Variants in STAB1 observed in about 807,000 individuals in gnomAD.
STAB1 encodes the protein stabilin-1.
STAB1 carries 250 observed loss-of-function variants against 332.4 expected under a neutral mutation model. The ratio of observed to expected loss-of-function variants is 0.75; its 90% CI spans 0.68 to 0.84. The LOEUF (loss-of-function observed/expected upper bound fraction) is 0.84. Ranked by LOEUF, STAB1 falls within the 40% of genes least tolerant of loss-of-function variation. STAB1 has a pLI of 0.00. For missense variants in STAB1, 3,249 were observed against 3,489.7 expected, an observed-to-expected ratio of 0.93 and a Z score of 1.74; for synonymous variants, 1,475 against 1,390.4, an observed-to-expected ratio of 1.06 and a Z score of -1.35.
chr3:52,524,421 G>A lies in STAB1; in HGVS notation c.*65G>A. 1.2e-6 allele frequency: 2 copies of A among 1,611,900 alleles called. No individual in the cohort carries two copies. The highest frequency in any genetic ancestry group is 1.7e-6 in the Non-Finnish European group (2 of 1,179,044). On this transcript the variant is annotated 3_prime_UTR_variant, in exon 69 of 69. Coordinates refer to ENST00000321725, the MANE Select transcript of STAB1 (RefSeq NM_015136.3). ...GACCACTTTTATTGCTTGTCTGGGT[G>A]GATGGGGCAGGAGGGGCTGAGGGCC...
rs769284082 is a variant in STAB1, at chr3:52,516,599, C to T, written c.4286+12C>T. 2 of 1,612,834 alleles carry T rather than the reference C, an allele frequency of 1.2e-6. No homozygotes were observed. The highest frequency in any genetic ancestry group is 1.1e-5 in the South Asian group (1 of 91,082). On this transcript the variant is annotated intron_variant, in intron 40 of 68. Coordinates refer to ENST00000321725, the MANE Select transcript of STAB1 (RefSeq NM_015136.3). ...GACCCCAATGCCAAGTGAGTGGGCCCAGCCTGGGGCGGGTGGGTGAGTGGC... is the reference window on the plus strand; with the variant it reads ...GACCCCAATGCCAAGTGAGTGGGCCTAGCCTGGGGCGGGTGGGTGAGTGGC...
chr3:52,513,310 G>A, intron 30 of STAB1, 69 bp downstream of exon 30: 12 of 1,447,150 alleles, frequency 8.3e-6, no homozygotes, highest in Non-Finnish European at 1.1e-5. Context: ...GTGGCTGCAG[G>A]CTCTCCCACA....
chr3:52,499,116 G>C (rs1033753698), intron 1 of STAB1, among the ~76,000 whole-genome samples: 1 of 152,252 alleles, frequency 6.6e-6, no homozygotes, highest in African/African-American at 2.4e-5. Flanking sequence ...TTGGACCACA[G>C]TGTGGTCAGC....
At position 52,520,403 on chromosome 3, in the gene STAB1, G is replaced by A. The variant is rs769837153; in HGVS notation, c.5503G>A (p.Glu1835Lys). The A allele has an allele frequency of 8.1e-6, 13 of 1,611,684 alleles. No homozygotes were observed. In the South Asian group the frequency reaches 1.3e-4, roughly 16 times the overall value. Residue 1835 changes from glutamate (E) to lysine (K), a missense_variant, in exon 53 of 69, where the codon GAG (glutamate) becomes AAG (lysine). Transcript: ENST00000321725. ...ACCTCATATTCTCTCCTTGCAGGGTGAGCTCATGGTGGGTGAGGATGATGC... is the reference window on the plus strand; with the variant it reads ...ACCTCATATTCTCTCCTTGCAGGGTAAGCTCATGGTGGGTGAGGATGATGC... ...SFSCSRTRAGELMVGEDDARI... is the reference protein window; with the variant it reads ...SFSCSRTRAGKLMVGEDDARI...
At position 52,524,024 on chromosome 3, in the gene STAB1, C is replaced by A; in HGVS notation, c.7542+7C>A. On this transcript the variant is annotated splice_region_variant and intron_variant, in intron 67 of 68. Transcript: ENST00000321725. ...TGGCTTCTCTGCCTTCCAGGTAGGG[C>A]TGGGTTGGGGCTGCCATGGCGGGTC... 2 of 1,612,240 alleles carry A rather than the reference C, an allele frequency of 1.2e-6. No homozygotes were observed. Among genetic ancestry groups the A allele is most frequent in the Non-Finnish European group, 8.5e-7 (1 of 1,179,610 alleles).
chr3:52,516,649 A>C (rs753010583), intron 40 of STAB1, 43 bp from the exon 41 acceptor site: 4 of 1,612,308 alleles, frequency 2.5e-6, no homozygotes, highest in Non-Finnish European at 3.4e-6. Context: ...TCAAGGCACG[A>C]CTGGACAGGC....
In STAB1 at chr3:52,506,776, G is replaced by A. The variant is rs773665248; in HGVS notation, c.1915G>A (p.Gly639Ser). The change falls in exon 18 of 69, where the codon GGC (glycine) becomes AGC (serine). Residue 639 changes from glycine (G) to serine (S), a missense_variant. By Grantham distance (56) the Gly-to-Ser change is moderately conservative (BLOSUM62 0). Transcript: ENST00000321725. ...CAATGGTGTGATCCACATGCTGGAC[G>A]GCATCCTGCTGCCCCCGACCATCCT... ...AANGVIHMLD[G>S]ILLPPTILPI... The A allele has an allele frequency of 1.1e-5, 17 of 1,612,732 alleles. No homozygotes were observed. The highest frequency in any genetic ancestry group is 2.7e-5 in the African/African-American group (2 of 74,936).
In STAB1 at chr3:52,523,559, A is replaced by G. The variant is rs755142427; in HGVS notation, c.7273A>G (p.Ser2425Gly). ...CATCAGTGACGCAGGCCCTGACAAC[A>G]GTTCCTGGGCCCCTGTGGTGAGTCT... ...LIISDAGPDN[S>G]SWAPVAPGTV... is the part of the protein sequence containing the mutation. Residue 2425 changes from serine to glycine, a missense_variant, in exon 65 of 69, where the codon AGT becomes GGT. Physicochemically the swap from Ser to Gly is moderately conservative, Grantham distance 56. Transcript: ENST00000321725. 1.2e-6 allele frequency: 2 copies of G among 1,612,794 alleles called. No homozygotes were observed. Among genetic ancestry groups the G allele is most frequent in the Non-Finnish European group, 1.7e-6 (2 of 1,179,982 alleles).
chr3:52,502,587 C>A, intron 5 of STAB1, 45 bp from the exon 6 acceptor site: 1 of 1,548,158 alleles, frequency 6.5e-7, no homozygotes, highest in Non-Finnish European at 8.9e-7. Flanking sequence ...CAGTGTGTGC[C>A]TGGGAGAGGC....
Position 52,513,127 on chromosome 3 carries a change from C to G in STAB1, c.3159-3C>G. On this transcript the variant is annotated splice_polypyrimidine_tract_variant and splice_region_variant and intron_variant, in intron 29 of 68. Coordinates refer to ENST00000321725, the MANE Select transcript of STAB1 (RefSeq NM_015136.3). ...ATGACCCCCCTAAACTGTGCCCTGT[C>G]AGGGCCCATTTTCTCCAGGGTGCCC... 6.4e-7 allele frequency: 1 copy of G among 1,563,304 alleles called. No individual in the cohort carries two copies. The highest frequency in any genetic ancestry group is 8.7e-7 in the Non-Finnish European group (1 of 1,153,540).
At position 52,503,816 on chromosome 3, in the gene STAB1, C is replaced by T. The variant is rs754567950; in HGVS notation, c.936C>T (p.Asn312=). ...CRPGLVSINS[N]ASAGCFAFCS... is the part of the protein sequence containing the mutation. The stretch of plus-strand genomic sequence containing the variant: ...CAGGCCTGGTCAGCATCAACAGCAA[C>T]GCTTCTGCGGGCTGCTTCGCCTTCT... The change falls in exon 9 of 69, where the codon AAC becomes AAT. Residue 312 remains asparagine, a synonymous_variant. Coordinates refer to ENST00000321725, the MANE Select transcript of STAB1 (RefSeq NM_015136.3). 31 of 1,613,154 alleles carry T rather than the reference C, an allele frequency of 1.9e-5. No homozygotes were observed. The highest frequency in any genetic ancestry group is 2.2e-5 in the East Asian group (1 of 44,902).
chr3:52,516,648 G>T, intron 40 of STAB1, 44 bp from the exon 41 acceptor site: 4 of 1,612,316 alleles, frequency 2.5e-6, no homozygotes, highest in Non-Finnish European at 3.4e-6. Flanking sequence ...GTCAAGGCAC[G>T]ACTGGACAGG....
chr3:52,513,585 A>G, intron 30 of STAB1, 132 bp from the exon 31 acceptor site: 1 of 911,348 alleles, frequency 1.1e-6, no homozygotes, highest in South Asian at 1.6e-5. Flanking sequence ...TCTGTGCAGA[A>G]CCCAGCTTGT....
chr3:52,502,884 C>T (rs1285400952), intron 6 of STAB1, 115 bp from the exon 7 acceptor site: 3 of 1,221,908 alleles, frequency 2.5e-6, no homozygotes, highest in Non-Finnish European at 3.4e-6. Context: ...TGTCCAGAGG[C>T]CCAGCAAGGT....
Position 52,503,917 on chromosome 3 carries a change from C to T in STAB1, c.1022+15C>T, listed in dbSNP as rs1285338701. On this transcript the variant is annotated intron_variant, in intron 9 of 68. Coordinates refer to ENST00000321725, the MANE Select transcript of STAB1 (RefSeq NM_015136.3). The stretch of plus-strand genomic sequence containing the variant: ...GGGAAGACCAGGTGAGCACAGGTGC[C>T]TGGGAGCAGAGACAGTGGGTTGGGC... The T allele has an allele frequency of 1.9e-6, 3 of 1,612,572 alleles. No homozygotes were observed. The highest frequency in any genetic ancestry group is 2.5e-6 in the Non-Finnish European group (3 of 1,179,744).
At chr3:52,501,563 A>G in intron 2 of STAB1, 75 bp from the exon 3 acceptor site, 1 of 1,383,898 alleles carries the variant, frequency 7.2e-7, no homozygotes, top group Non-Finnish European at 1.0e-6. Flanking sequence ...GAGCCCCGGA[A>G]GCCAATGTGG....
chr3:52,514,653 A>G (rs753407855), intron 34 of STAB1, 48 bp from the exon 35 acceptor site: 2 of 1,611,716 alleles, frequency 1.2e-6, no homozygotes, highest in Non-Finnish European at 1.7e-6. Context: ...CAGCCCTGCC[A>G]GGTGAGGGTG....
chr3:52,514,303 G>A, intron 33 of STAB1, 62 bp from the exon 34 acceptor site: 1 of 1,585,906 alleles, frequency 6.3e-7, no homozygotes, highest in Middle Eastern at 2.0e-4. Flanking sequence ...CAGTGGGTGT[G>A]GCGTGCTGTC....
chr3:52,502,581 G>A (rs1708531640), intron 5 of STAB1, 51 bp from the exon 6 acceptor site: 2 of 1,478,446 alleles, frequency 1.4e-6, no homozygotes, highest in Non-Finnish European at 1.9e-6. Context: ...ATGTCCCAGT[G>A]TGTGCCTGGG....
Sources: gnomAD v4.1 joint callset for allele counts (sites outside exome capture counted in the v4.1 genomes callset) on GRCh38, gnomAD v4.1.1 for gene constraint, MANE v1.5 for transcripts, NCBI Gene and HGNC (gene_info 2026-07-23, HGNC 2026-07-21) for gene names.